ANKRD30B: variants seen among roughly 807,000 people sequenced by gnomAD.
ANKRD30B encodes ankyrin repeat domain-containing protein 30B.
ANKRD30B carries 144 observed loss-of-function variants against 202.2 expected under a neutral mutation model. The ratio of observed to expected loss-of-function variants is 0.71; its 90% CI spans 0.62 to 0.82. The LOEUF is 0.82. Among genes scored for constraint, ANKRD30B ranks in the 40% least tolerant of loss-of-function variants. ANKRD30B has a pLI of 0.00. For missense variants in ANKRD30B, 1,487 were observed against 1,669.1 expected, an observed-to-expected ratio of 0.89 and a Z score of 1.90; for synonymous variants, 508 against 561.3, an observed-to-expected ratio of 0.91 and a Z score of 1.34.
chr18:14,856,580 G>A (rs1157166468), downstream of ANKRD30B, among the ~76,000 whole-genome samples: 3 of 109,604 alleles, frequency 2.7e-5, no homozygotes, highest in Non-Finnish European at 4.0e-5. Context: ...TGGGGCGGCC[G>A]GGCAGAGGCG....
At chr18:14,879,308 G>A in the ANKRD30B span, among the ~76,000 whole-genome samples, 1 of 149,498 alleles carries the variant, frequency 6.7e-6, no homozygotes, top group African/African-American at 2.5e-5. Context: ...GGCGGCCACA[G>A]TGCAAGATCC....
chr18:14,769,238 C>A, intron 7 of ANKRD30B, 105 bp from the exon 8 acceptor site: 1 of 850,778 alleles, frequency 1.2e-6, no homozygotes, highest in Non-Finnish European at 1.8e-6. Context: ...TCCCAAGTAG[C>A]TGGGATTACA....
intron 4 of ANKRD30B, among the ~76,000 whole-genome samples, chr18:14,756,642 C>T (rs1914414396): frequency 6.6e-6 from 1 of 152,228 alleles, no homozygotes; most frequent in African/African-American, 2.4e-5. Flanking sequence ...GCCTGTTATC[C>T]CAGCAGTTTG....
At chr18:14,817,913 C>T (rs1169039789) in intron 30 of ANKRD30B, among the ~76,000 whole-genome samples, 1 of 152,012 alleles carries the variant, frequency 6.6e-6, no homozygotes, top group African/African-American at 2.4e-5. Flanking sequence ...TGTATTTAGC[C>T]TTAAAATGCT....
the ANKRD30B span, among the ~76,000 whole-genome samples, chr18:14,908,304 T>C: frequency 6.6e-6 from 1 of 152,208 alleles, no homozygotes; most frequent in Non-Finnish European, 1.5e-5. Context: ...ATGCCTCCGC[T>C]GTTTACTTCA....
At chr18:14,766,551 G>A (rs1916256823) in intron 7 of ANKRD30B, among the ~76,000 whole-genome samples, 1 of 148,736 alleles carries the variant, frequency 6.7e-6, no homozygotes, top group African/African-American at 2.5e-5. Context: ...AGTGCAAATA[G>A]TCATGGGACA....
the ANKRD30B span, among the ~76,000 whole-genome samples, chr18:14,918,641 C>T: frequency 1.3e-5 from 2 of 152,126 alleles, no homozygotes; most frequent in African/African-American, 4.8e-5. Flanking sequence ...AGGACAACAT[C>T]AGGCCCCTCA....
chr18:14,900,940 C>A, the ANKRD30B span, among the ~76,000 whole-genome samples: 15 of 152,300 alleles, frequency 9.8e-5, no homozygotes, highest in Middle Eastern at 3.4e-3. Context: ...ATGTTTATTG[C>A]ATGGAGAAAT....
chr18:14,923,772 G>A, the ANKRD30B span, among the ~76,000 whole-genome samples: 1 of 152,202 alleles, frequency 6.6e-6, no homozygotes, highest in Non-Finnish European at 1.5e-5. Context: ...TGGATTAACA[G>A]GCAGAGAATC....
In ANKRD30B at chr18:14,755,010, G is replaced by C. The variant is rs1254903872; in HGVS notation, c.617+5G>C. 3 of 1,438,988 alleles carry C rather than the reference G, an allele frequency of 2.1e-6. No homozygotes were observed. Among genetic ancestry groups the C allele is most frequent in the East Asian group, 2.6e-5 (1 of 38,146 alleles). 89.1% of individuals were successfully genotyped at this position (1,438,988 alleles called of 1,614,324 possible). ...CGCATTTAATGAGTCTAAATGGTAT[G>C]GTAGTTCTTTTTTTTTACTAAAAAA... is the stretch of plus-strand genomic sequence containing the variant. On this transcript the variant is annotated splice_donor_5th_base_variant and intron_variant, in intron 4 of 43. Transcript: ENST00000690538.
At chr18:14,765,116 G>A (rs967034146) in intron 7 of ANKRD30B, among the ~76,000 whole-genome samples, 8 of 152,278 alleles carry the variant, frequency 5.3e-5, no homozygotes, top group East Asian at 1.9e-4. Context: ...CATTCTGGTC[G>A]TGGTATAAGG....
chr18:14,915,953 A>G, the ANKRD30B span, among the ~76,000 whole-genome samples: 1 of 152,238 alleles, frequency 6.6e-6, no homozygotes, highest in South Asian at 2.1e-4. Context: ...TAGTCTAGAA[A>G]TGACTTAAAG....
At position 14,852,154 on chromosome 18, in the gene ANKRD30B, G is replaced by C. The variant is rs1156886343; in HGVS notation, c.4210G>C (p.Glu1404Gln). ...GAAAGCTGAACACATGTATCAAAAT[G>C]AACAAGATAATGTGGACAAACACAC... ...MKKAEHMYQN[E>Q]QDNVDKHTEQ... The change falls in exon 42 of 44, where the codon GAA (glutamate) becomes CAA (glutamine). Residue 1404 changes from glutamate to glutamine, a missense_variant. Coordinates refer to ENST00000690538, the MANE Select transcript of ANKRD30B (RefSeq NM_001367607.2). The C allele has an allele frequency of 6.3e-7, 1 of 1,593,598 alleles. No individual in the cohort carries two copies. Among genetic ancestry groups the C allele is most frequent in the Non-Finnish European group, 8.5e-7 (1 of 1,169,966 alleles).
chr18:14,777,297 AT>A (rs140849030), intron 9 of ANKRD30B, among the ~76,000 whole-genome samples: 50,144 of 151,590 alleles, frequency 0.33, 8,672 homozygotes, highest in Non-Finnish European at 0.39. Context: ...AAAAGTTTTA[AT>A]TATTTTTTTT....
chr18:14,798,908 C>A (rs760850581), intron 20 of ANKRD30B, among the ~76,000 whole-genome samples, 193 bp from the exon 21 acceptor site: 8 of 152,102 alleles, frequency 5.3e-5, no homozygotes, highest in Admixed American at 2.6e-4. Context: ...CATTCCATAG[C>A]AACAGTTTCA....
At chr18:14,862,304 A>G in the ANKRD30B span, among the ~76,000 whole-genome samples, 60 of 144,768 alleles carry the variant, frequency 4.1e-4, no homozygotes, top group South Asian at 8.6e-4. Context: ...TGGGACCAAA[A>G]AAACCATACA....
At chr18:14,833,684 T>A (rs1440084503) in intron 34 of ANKRD30B, among the ~76,000 whole-genome samples, 1 of 152,206 alleles carries the variant, frequency 6.6e-6, no homozygotes, top group Admixed American at 6.5e-5. Flanking sequence ...ATTACACAAG[T>A]ATTAACAAAA....
rs1479029377 is a variant in ANKRD30B, at chr18:14,760,657, C to A, written c.820+39C>A. On this transcript the variant is annotated intron_variant, in intron 6 of 43. Coordinates refer to ENST00000690538, the MANE Select transcript of ANKRD30B (RefSeq NM_001367607.2). ...TAGCAAACTACTCTTGATGGTGCTA[C>A]CATAAGATTAGGGAAGTGCTGATCA... The A allele has an allele frequency of 5.7e-6, 8 of 1,399,694 alleles. No homozygotes were observed. The African/African-American group carries it at 7.3e-5, about 13-fold the overall frequency. The allele number at this position is 1,399,694 out of a possible 1,614,324, so 86.7% of individuals were successfully genotyped here.
At chr18:14,784,291 G>C (rs1967937011) in intron 12 of ANKRD30B, 45 bp from the exon 13 acceptor site, 4 of 1,589,576 alleles carry the variant, frequency 2.5e-6, no homozygotes, top group Non-Finnish European at 3.4e-6. Context: ...GGTTGGCTTT[G>C]TCATATTTAC....
Sources: gnomAD v4.1 joint callset for allele counts (sites outside exome capture counted in the v4.1 genomes callset) on GRCh38, gnomAD v4.1.1 for gene constraint, MANE v1.5 for transcripts, NCBI Gene and HGNC (gene_info 2026-07-23, HGNC 2026-07-21) for gene names.